Variants in SNAP47 observed in about 807,000 individuals in gnomAD.
SNAP47 encodes synaptosomal-associated protein 47.
In SNAP47, 20 loss-of-function variants were observed where a neutral mutation model predicts 31.4. The ratio of observed to expected loss-of-function variants is 0.64; its 90% CI spans 0.45 to 0.93. The LOEUF (loss-of-function observed/expected upper bound fraction) is 0.93. Among genes scored for constraint, SNAP47 ranks in the 40% least tolerant of loss-of-function variants. SNAP47 has a pLI of 0.00. For missense variants in SNAP47, 492 were observed against 528.5 expected (o/e 0.93, Z 0.68); for synonymous variants, 194 against 213.4 (o/e 0.91, Z 0.79).
At position 227,747,925 on chromosome 1, in the gene SNAP47, TA is replaced by T. The variant is rs1264712725; in HGVS notation, c.190del (p.Ile64SerfsTer59). 1 of 1,614,198 alleles carries T rather than the reference TA, an allele frequency of 6.2e-7. No individual in the cohort carries two copies. Among genetic ancestry groups the T allele is most frequent in the Non-Finnish European group, 8.5e-7 (1 of 1,180,010 alleles). Reference protein sequence around the residue: ...VEIKKEASHFIFSSITILEKG... With the variant: ...VEIKKEASHFXFSSITILEKG... ...AGATCAAGAAGGAGGCTTCACATTT[TA>T]TCTTCAGCTCCATCACCATCCTGGA... On this transcript the variant is annotated frameshift_variant, in exon 2 of 5. Transcript: ENST00000617596. LOFTEE classifies it high-confidence loss of function.
chr1:227,734,185 GC>G (rs1035488180), upstream of SNAP47: 1 of 836,622 alleles, frequency 1.2e-6, no homozygotes, highest in Admixed American at 2.9e-5. Context: ...TGAGCCAGAC[GC>G]TGCTGGCGGG....
chr1:227,738,121 A>G (rs1438411365), intron 1 of SNAP47, among the ~76,000 whole-genome samples: 1 of 152,064 alleles, frequency 6.6e-6, no homozygotes, highest in Non-Finnish European at 1.5e-5. Context: ...GGCTCACTGC[A>G]ACCTCCGCCT....
chr1:227,734,950 C>G, upstream of SNAP47: 1 of 1,498,680 alleles, frequency 6.7e-7, no homozygotes, highest in Admixed American at 2.2e-5. Flanking sequence ...AGGCGGGGGC[C>G]TCCCGGGCCT....
At chr1:227,780,486 A>G (rs1462745752) in intron 4 of SNAP47, 41 bp from the exon 5 acceptor site, 3 of 1,611,674 alleles carry the variant, frequency 1.9e-6, no homozygotes, top group Non-Finnish European at 1.7e-6. Context: ...TAGAGTTTGC[A>G]GAGATGGCAG....
chr1:227,752,665 C>T (rs1662453266), intron 2 of SNAP47, among the ~76,000 whole-genome samples: 1 of 152,120 alleles, frequency 6.6e-6, no homozygotes, highest in Non-Finnish European at 1.5e-5. Flanking sequence ...AGCCAAAATC[C>T]AAGAGATGAG....
At chr1:227,768,343 C>T (rs1293761133) in intron 4 of SNAP47, 6 of 985,306 alleles carry the variant, frequency 6.1e-6, no homozygotes, top group Non-Finnish European at 7.2e-6. Context: ...GGCTCCCCGT[C>T]CCTGAGCCTC....
chr1:227,735,077 C>G, upstream of SNAP47: 1 of 1,571,002 alleles, frequency 6.4e-7, no homozygotes, highest in Non-Finnish European at 8.6e-7. Context: ...CCGCCGGCTG[C>G]CCCAGCCCTG....
intron 2 of SNAP47, among the ~76,000 whole-genome samples, chr1:227,754,101 A>T (rs77316922): frequency 0.1 from 15,218 of 152,234 alleles, 818 homozygotes; most frequent in Middle Eastern, 0.21. Flanking sequence ...GAGTGGAAGT[A>T]GCTCTCAGCA....
intron 1 of SNAP47, 102 bp downstream of exon 1, chr1:227,735,601 C>T (rs1661076193): frequency 1.5e-6 from 2 of 1,326,138 alleles, no homozygotes; most frequent in South Asian, 2.1e-5. Flanking sequence ...CCCGAGCCCT[C>T]CTTCCCGCAT....
rs535117833 is a variant in SNAP47 at position 227,757,317 on chromosome 1, A to T, written c.498-1678A>T. 2.6e-5 allele frequency among the ~76,000 whole-genome samples: 4 copies of T among 152,314 alleles called. No homozygotes were observed. In the South Asian group the frequency reaches 8.3e-4, roughly 32 times the overall value. On this transcript the variant is annotated intron_variant, in intron 2 of 4. Transcript: ENST00000617596. Reference sequence around the variant, plus strand: ...AAACGTGTGAGTGTGGCTCTTGGCAACTAAAACAGACCATCTTGGGTGCAG... The same window carrying T: ...AAACGTGTGAGTGTGGCTCTTGGCATCTAAAACAGACCATCTTGGGTGCAG...
At chr1:227,744,355 A>G (rs1661818953) in intron 1 of SNAP47, among the ~76,000 whole-genome samples, 1 of 152,100 alleles carries the variant, frequency 6.6e-6, no homozygotes, top group African/African-American at 2.4e-5. Context: ...GCATGTATGC[A>G]TGTCTGGGAA....
At position 227,748,194 on chromosome 1, in the gene SNAP47, G is replaced by T; in HGVS notation, c.458G>T (p.Gly153Val). The change falls in exon 2 of 5, where the codon GGC becomes GTC. Residue 153 changes from glycine to valine, a missense_variant. By Grantham distance (109) the Gly-to-Val change is moderately radical. Coordinates refer to ENST00000617596, the MANE Select transcript of SNAP47 (RefSeq NM_053052.4). ...QGQQLDSVMR[G>V]LDKMESDLEV... ...CAGCAGCTGGACAGCGTCATGAGAG[G>T]CCTGGACAAGATGGAGTCAGACCTG... 6.2e-7 allele frequency: 1 copy of T among 1,606,058 alleles called. No homozygotes were observed. Among genetic ancestry groups the T allele is most frequent in the South Asian group, 1.1e-5 (1 of 89,846 alleles).
chr1:227,758,811 G>A (rs1662857580), intron 2 of SNAP47, among the ~76,000 whole-genome samples, 184 bp from the exon 3 acceptor site: 1 of 152,044 alleles, frequency 6.6e-6, no homozygotes, highest in South Asian at 2.1e-4. Flanking sequence ...CTGGCCCCCA[G>A]CTTTCTCTTC....
intron 4 of SNAP47, chr1:227,775,956 C>G (rs146452779): frequency 7.8e-7 from 1 of 1,287,210 alleles, no homozygotes; most frequent in African/African-American, 1.5e-5. Flanking sequence ...AGGCCCACAG[C>G]GCCCAGGGCA....
intron 4 of SNAP47, among the ~76,000 whole-genome samples, chr1:227,768,892 G>T (rs1224844380): frequency 6.6e-6 from 1 of 152,172 alleles, no homozygotes; most frequent in African/African-American, 2.4e-5. Flanking sequence ...AGGTGTCCAC[G>T]GCCGAGATAC....
At chr1:227,734,118 C>A, upstream of SNAP47, 1 of 1,470,640 alleles carries the variant, frequency 6.8e-7, no homozygotes. Flanking sequence ...TGAGACCAAT[C>A]GGCTCCAGTG....
chr1:227,773,692 A>G (rs976482935), intron 4 of SNAP47, among the ~76,000 whole-genome samples: 1 of 152,220 alleles, frequency 6.6e-6, no homozygotes, highest in Non-Finnish European at 1.5e-5. Context: ...TTAGATGTGC[A>G]GGTAGTTAGC....
At chr1:227,776,497 G>A in intron 4 of SNAP47, 1 of 985,650 alleles carries the variant, frequency 1.0e-6, no homozygotes, top group Non-Finnish European at 1.2e-6. Context: ...AGGTTCCTGT[G>A]TGAGGCCACT....
chr1:227,762,140 A>G lies in SNAP47; in HGVS notation c.988+2655A>G, dbSNP rs995792065. Among the ~76,000 whole-genome samples the G allele has an allele frequency of 6.6e-6, 1 of 152,214 alleles. No homozygotes were observed. Among genetic ancestry groups the G allele is most frequent in the African/African-American group, 2.4e-5 (1 of 41,466 alleles). On this transcript the variant is annotated intron_variant, in intron 3 of 4. Coordinates refer to ENST00000617596, the MANE Select transcript of SNAP47 (RefSeq NM_053052.4). This position sits in a 1 kb window ranked among gnomAD's most constrained non-coding sequence, Gnocchi z 4.2. Reference sequence around the variant, plus strand: ...CATCTTGCCATGTGGCACACACAGCACACAGTCCCACAGGGACCTGCTGCA... The same window carrying G: ...CATCTTGCCATGTGGCACACACAGCGCACAGTCCCACAGGGACCTGCTGCA...
Sources: allele counts gnomAD v4.1 joint callset (sites outside exome capture counted in the v4.1 genomes callset), GRCh38; gene constraint gnomAD v4.1.1; non-coding constraint Gnocchi (gnomAD v3.1); transcripts MANE v1.5; gene names NCBI Gene and HGNC (gene_info 2026-07-23, HGNC 2026-07-21).